The following ZNF407 variants were observed in gnomAD, a reference collection of about 807,000 sequenced individuals.
ZNF407 encodes the protein zinc finger protein 407.
A neutral mutation model predicts 131.2 loss-of-function variants in ZNF407; 17 were observed. That is an observed-to-expected ratio of 0.13 (90% CI 0.09 to 0.19). ZNF407 has a LOEUF of 0.19. ZNF407 is among the 10% of genes least tolerant of loss of function. The pLI is 1.00. For synonymous variants in ZNF407, 1,156 were observed against 1,062.0 expected, an observed-to-expected ratio of 1.09 and a Z score of -1.72; for missense variants, 2,681 against 2,830.6, an observed-to-expected ratio of 0.95 and a Z score of 1.20.
chr18:74,699,416 G>T (rs1362731491), intron 3 of ZNF407, among the ~76,000 whole-genome samples: 1 of 152,156 alleles, frequency 6.6e-6, no homozygotes, highest in Non-Finnish European at 1.5e-5. Context: ...GATAACTGAA[G>T]GGTACTTGCG....
At chr18:74,793,239 A>G (rs116018546) in intron 4 of ZNF407, among the ~76,000 whole-genome samples, 1 of 152,188 alleles carries the variant, frequency 6.6e-6, no homozygotes, top group African/African-American at 2.4e-5. Flanking sequence ...GTGTAGATAA[A>G]TAATAACAAA....
chr18:74,809,923 G>A (rs893390012), intron 4 of ZNF407, among the ~76,000 whole-genome samples: 4 of 152,208 alleles, frequency 2.6e-5, no homozygotes, highest in African/African-American at 9.6e-5. Flanking sequence ...CTTGCTGAAG[G>A]ATGGATTGTA....
At chr18:75,011,289 A>G (rs1175308507) in intron 8 of ZNF407, among the ~76,000 whole-genome samples, 1 of 152,196 alleles carries the variant, frequency 6.6e-6, no homozygotes, top group Non-Finnish European at 1.5e-5. Context: ...TGCGAATAAA[A>G]AGCATGTGTC....
intron 3 of ZNF407, among the ~76,000 whole-genome samples, chr18:74,648,907 G>A (rs1985096830): frequency 1.3e-5 from 2 of 152,120 alleles, no homozygotes. Flanking sequence ...TCTTAGTCCT[G>A]GGGTACTTGT....
At chr18:74,925,667 G>C (rs1204991310) in intron 8 of ZNF407, among the ~76,000 whole-genome samples, 1 of 152,164 alleles carries the variant, frequency 6.6e-6, no homozygotes, top group Non-Finnish European at 1.5e-5. Context: ...CACATGTCAT[G>C]ACATTTTGTA....
chr18:74,865,163 C>A (rs1970993318), intron 4 of ZNF407, among the ~76,000 whole-genome samples: 1 of 152,132 alleles, frequency 6.6e-6, no homozygotes, highest in South Asian at 2.1e-4. Context: ...TCAGAGCTGA[C>A]CCTGGTGTCA....
chr18:74,616,445 T>G (rs1479003609), intron 1 of ZNF407, among the ~76,000 whole-genome samples: 1 of 152,130 alleles, frequency 6.6e-6, no homozygotes, highest in African/African-American at 2.4e-5. Context: ...GTCGTTTTTA[T>G]GGAGGTTTAT....
At chr18:74,644,978 A>T (rs183536250) in intron 3 of ZNF407, among the ~76,000 whole-genome samples, 30 of 151,904 alleles carry the variant, frequency 2.0e-4, no homozygotes, top group South Asian at 8.3e-4. Flanking sequence ...ACATTTTTTT[A>T]AAAAATTGCT....
At chr18:74,882,389 A>G (rs17055807) in intron 6 of ZNF407, among the ~76,000 whole-genome samples, 4,592 of 152,276 alleles carry the variant, frequency 0.03, 216 homozygotes, top group African/African-American at 0.1. Flanking sequence ...CTTAGGTCTC[A>G]TGAGAATGGT....
intron 7 of ZNF407, among the ~76,000 whole-genome samples, chr18:74,897,635 T>C (rs1971470274): frequency 6.6e-6 from 1 of 152,120 alleles, no homozygotes; most frequent in South Asian, 2.1e-4. Context: ...AATAGAAAAT[T>C]TTTTTTTGGG....
intron 4 of ZNF407, among the ~76,000 whole-genome samples, chr18:74,807,091 A>G (rs908180068): frequency 6.6e-6 from 1 of 152,244 alleles, no homozygotes; most frequent in Admixed American, 6.5e-5. Flanking sequence ...GATTGTAGAT[A>G]GATTGTTTAC....
intron 1 of ZNF407, among the ~76,000 whole-genome samples, chr18:74,617,677 T>G (rs1983375251): frequency 2.0e-5 from 3 of 152,214 alleles, no homozygotes; most frequent in African/African-American, 7.2e-5. Flanking sequence ...GGGTCACGTC[T>G]GGAGACACAC....
intron 3 of ZNF407, among the ~76,000 whole-genome samples, chr18:74,643,756 T>G (rs1311526003): frequency 6.6e-6 from 1 of 152,016 alleles, no homozygotes; most frequent in Non-Finnish European, 1.5e-5. Flanking sequence ...TGATTTTGGA[T>G]GCTCATCAAC....
intron 8 of ZNF407, among the ~76,000 whole-genome samples, chr18:74,922,753 C>CT (rs977482189): frequency 6.6e-6 from 1 of 152,196 alleles, no homozygotes; most frequent in African/African-American, 2.4e-5. Context: ...AGACAGGCGT[C>CT]TCGGAGCTTC....
At chr18:74,971,989 A>T (rs1322223305) in intron 8 of ZNF407, among the ~76,000 whole-genome samples, 1 of 152,218 alleles carries the variant, frequency 6.6e-6, no homozygotes, top group Non-Finnish European at 1.5e-5. Flanking sequence ...AATGAGGAAG[A>T]AGCAAAAGTG....
chr18:74,816,231 A>G (rs1330532890), intron 4 of ZNF407, among the ~76,000 whole-genome samples: 1 of 152,188 alleles, frequency 6.6e-6, no homozygotes, highest in African/African-American at 2.4e-5. Context: ...TTTGAGGTGA[A>G]AAATTAGATA....
intron 8 of ZNF407, among the ~76,000 whole-genome samples, chr18:74,962,044 AT>A (rs1255410749): frequency 6.6e-6 from 1 of 152,024 alleles, no homozygotes; most frequent in Non-Finnish European, 1.5e-5. Context: ...TCCTTTAGCC[AT>A]TTCCTTTGTT....
chr18:75,032,269 T>C (rs1442379937), intron 8 of ZNF407, among the ~76,000 whole-genome samples: 1 of 152,206 alleles, frequency 6.6e-6, no homozygotes, highest in Non-Finnish European at 1.5e-5. Flanking sequence ...CTTGCTTAGA[T>C]AACACAGTTG....
intron 8 of ZNF407, among the ~76,000 whole-genome samples, chr18:74,948,942 TAGAC>T (rs1416046062): frequency 6.6e-6 from 1 of 152,198 alleles, no homozygotes; most frequent in Non-Finnish European, 1.5e-5. Context: ...GTATGCAAAT[TAGAC>T]AGCACACTAG....
Sources: gnomAD v4.1 joint callset for allele counts (sites outside exome capture counted in the v4.1 genomes callset) on GRCh38, gnomAD v4.1.1 for gene constraint, MANE v1.5 for transcripts, NCBI Gene and HGNC (gene_info 2026-07-23, HGNC 2026-07-21) for gene names.